MNAT1: variants seen among roughly 807,000 people sequenced by gnomAD.
The protein encoded by MNAT1 is CDK-activating kinase assembly factor MAT1.
MNAT1 carries 43 observed loss-of-function variants against 42.0 expected under a neutral mutation model. That is an observed-to-expected ratio of 1.02 (90% CI 0.80 to 1.32). MNAT1 has a LOEUF of 1.32. Ranked by LOEUF, MNAT1 falls within the 40% of genes most tolerant of loss-of-function variation. MNAT1 has a pLI of 0.00. For missense variants in MNAT1, 306 were observed against 350.4 expected (o/e 0.87, Z 1.01); for synonymous variants, 118 against 120.0 (o/e 0.98, Z 0.11).
rs935446226 is a variant in MNAT1 at position 60,968,702 on chromosome 14, TAC to T, written c.*355_*356del. The T allele has an allele frequency of 2.5e-5, 9 of 353,256 alleles. No individual in the cohort carries two copies. The highest frequency in any genetic ancestry group is 2.0e-4 in the African/African-American group (9 of 45,284). 21.9% of individuals were successfully genotyped at this position (353,256 alleles called of 1,614,324 possible). On this transcript the variant is annotated 3_prime_UTR_variant, in exon 8 of 8. Coordinates refer to ENST00000261245, the MANE Select transcript of MNAT1 (RefSeq NM_002431.4). ...TTAAGTTCTGTGGTTTTTCTCTTAT[TAC>T]AGTGTTTTACTTGAACACATTTTAA...
chr14:60,910,040 A>G (rs2139524103), intron 7 of MNAT1, among the ~76,000 whole-genome samples: 1 of 152,292 alleles, frequency 6.6e-6, no homozygotes, highest in South Asian at 2.1e-4. Flanking sequence ...AGTCCTTCAC[A>G]TCCCTTGTAA....
intron 1 of MNAT1, among the ~76,000 whole-genome samples, chr14:60,790,788 A>T (rs1389290562): frequency 6.6e-6 from 1 of 152,178 alleles, no homozygotes; most frequent in Non-Finnish European, 1.5e-5. Context: ...TGACTTCTCC[A>T]TGCTTAGTGC....
chr14:60,774,580 T>C (rs2031180222), intron 1 of MNAT1, among the ~76,000 whole-genome samples: 1 of 152,162 alleles, frequency 6.6e-6, no homozygotes, highest in Admixed American at 6.5e-5. Context: ...GGTGGGTAAG[T>C]GTTGGGGATA....
intron 7 of MNAT1, among the ~76,000 whole-genome samples, chr14:60,967,428 G>C (rs2139630710): frequency 6.6e-6 from 1 of 152,254 alleles, no homozygotes; most frequent in South Asian, 2.1e-4. Context: ...AGCATTAAAA[G>C]AAAGCTGGAA....
intron 7 of MNAT1, among the ~76,000 whole-genome samples, chr14:60,936,159 C>G (rs890259720): frequency 1.3e-5 from 2 of 152,244 alleles, no homozygotes; most frequent in Admixed American, 6.5e-5. Context: ...CCCTCATCTG[C>G]ACGAAAGCAT....
intron 6 of MNAT1, among the ~76,000 whole-genome samples, chr14:60,871,810 A>G (rs780681058): frequency 6.6e-6 from 1 of 151,834 alleles, no homozygotes; most frequent in Non-Finnish European, 1.5e-5. Flanking sequence ...TTTAGTAGAG[A>G]TGGGGTTTCA....
At chr14:60,768,379 A>G (rs2030920690) in intron 1 of MNAT1, among the ~76,000 whole-genome samples, 2 of 152,206 alleles carry the variant, frequency 1.3e-5, no homozygotes, top group Admixed American at 1.3e-4. Flanking sequence ...TCCCTGGTTG[A>G]CTTTTAAAGG....
chr14:60,808,481 CAT>C, intron 4 of MNAT1, 53 bp downstream of exon 4: 1 of 1,098,376 alleles, frequency 9.1e-7, no homozygotes, highest in South Asian at 1.6e-5. Context: ...AATGTTTCCA[CAT>C]GATACTTTAA....
At chr14:60,788,563 A>G (rs1344737327) in intron 1 of MNAT1, among the ~76,000 whole-genome samples, 2 of 152,202 alleles carry the variant, frequency 1.3e-5, no homozygotes, top group Non-Finnish European at 2.9e-5. Context: ...CTTCCAATAG[A>G]AGGATGTTTC....
At chr14:60,886,603 A>G (rs1180454409) in intron 7 of MNAT1, among the ~76,000 whole-genome samples, 1 of 152,020 alleles carries the variant, frequency 6.6e-6, no homozygotes, top group Non-Finnish European at 1.5e-5. Context: ...ATAAAGAAAT[A>G]TAGCTGATTT....
rs559889261 is a variant in MNAT1 at position 60,861,776 on chromosome 14, C to A, written c.688-17938C>A. Among the ~76,000 whole-genome samples, 4 of 152,180 alleles carry A rather than the reference C, an allele frequency of 2.6e-5. No homozygotes were observed. The East Asian group carries it at 7.7e-4, about 29-fold the overall frequency. On this transcript the variant is annotated intron_variant, in intron 6 of 7. Coordinates refer to ENST00000261245, the MANE Select transcript of MNAT1 (RefSeq NM_002431.4). ...GTTGTATTTGTTTTTTTGCTTTCAA[C>A]AAGGCAAGTCTTGATGCTAGATCAA... is the stretch of plus-strand genomic sequence containing the variant.
chr14:60,967,479 C>T (rs2036702736), intron 7 of MNAT1, among the ~76,000 whole-genome samples: 1 of 152,122 alleles, frequency 6.6e-6, no homozygotes, highest in Non-Finnish European at 1.5e-5. Flanking sequence ...GCTAAGTTGC[C>T]CTTCTTTGGC....
At chr14:60,899,824 T>G (rs1465457367) in intron 7 of MNAT1, among the ~76,000 whole-genome samples, 1 of 152,208 alleles carries the variant, frequency 6.6e-6, no homozygotes, top group Non-Finnish European at 1.5e-5. Flanking sequence ...ATCAATGCTG[T>G]TTTTCCAACA....
chr14:60,855,028 T>C (rs1325218671), intron 6 of MNAT1, among the ~76,000 whole-genome samples: 1 of 152,174 alleles, frequency 6.6e-6, no homozygotes, highest in Non-Finnish European at 1.5e-5. Flanking sequence ...TGAAGAGGAA[T>C]GTAGAGAAGC....
At chr14:60,741,040 G>A (rs907908974) in intron 1 of MNAT1, among the ~76,000 whole-genome samples, 7 of 152,006 alleles carry the variant, frequency 4.6e-5, no homozygotes, top group African/African-American at 1.7e-4. Context: ...CTCTTGTTGG[G>A]TACATATTTG....
At chr14:60,918,330 T>C (rs1392020922) in intron 7 of MNAT1, among the ~76,000 whole-genome samples, 4 of 141,676 alleles carry the variant, frequency 2.8e-5, no homozygotes, top group Non-Finnish European at 4.6e-5. Flanking sequence ...TGCCTCAGCC[T>C]CCTGAGTAGC....
intron 1 of MNAT1, among the ~76,000 whole-genome samples, chr14:60,778,696 C>T (rs1342393803): frequency 6.6e-6 from 1 of 152,166 alleles, no homozygotes; most frequent in African/African-American, 2.4e-5. Context: ...TTAACTCATA[C>T]TGCTCCACCT....
intron 5 of MNAT1, among the ~76,000 whole-genome samples, chr14:60,816,434 A>G (rs946263268): frequency 2.0e-5 from 3 of 152,080 alleles, no homozygotes; most frequent in African/African-American, 7.2e-5. Flanking sequence ...ATGGGCTAAT[A>G]TTGTTGTCAA....
rs140273564 is a variant in MNAT1, at chr14:60,793,451, C to T, written c.90-2766C>T. ...AATCACAGCTGACAGTAACCTTGAA[C>T]TCCTGGGCTCAAGTGATTGTCCTGC... is the stretch of plus-strand genomic sequence containing the variant. On this transcript the variant is annotated intron_variant, in intron 1 of 7. Coordinates refer to ENST00000261245, the MANE Select transcript of MNAT1 (RefSeq NM_002431.4). 3.8e-3 allele frequency among the ~76,000 whole-genome samples: 571 copies of T among 151,898 alleles called. 4 individuals carry two copies. Among genetic ancestry groups the T allele is most frequent in the African/African-American group, 0.013 (552 of 41,446 alleles).
Sources: gnomAD v4.1 joint callset for allele counts (sites outside exome capture counted in the v4.1 genomes callset) on GRCh38, gnomAD v4.1.1 for gene constraint, MANE v1.5 for transcripts, NCBI Gene and HGNC (gene_info 2026-07-23, HGNC 2026-07-21) for gene names.